The following NOS1AP variants were observed in gnomAD, a reference collection of about 807,000 sequenced individuals.
NOS1AP encodes the protein carboxyl-terminal PDZ ligand of neuronal nitric oxide synthase protein.
NOS1AP carries 21 observed loss-of-function variants against 56.2 expected under a neutral mutation model. The ratio of observed to expected loss-of-function variants is 0.37; its 90% CI spans 0.26 to 0.54. The LOEUF is 0.54. Ranked by LOEUF, NOS1AP falls within the 20% of genes least tolerant of loss-of-function variation. The probability of loss-of-function intolerance (pLI) is 0.84; values close to 1 mark genes in which losing one functional copy is unlikely to be tolerated. For missense variants in NOS1AP, 522 were observed against 657.8 expected, an observed-to-expected ratio of 0.79 and a Z score of 2.26; for synonymous variants, 270 against 274.6, an observed-to-expected ratio of 0.98 and a Z score of 0.17.
In NOS1AP at chr1:162,254,438, G is replaced by A. The variant is rs183477951; in HGVS notation, c.178-32906G>A. On this transcript the variant is annotated intron_variant, in intron 2 of 9. Transcript: ENST00000361897. ...GACTAACCCTCCCCAGCAGGGGCCAGTGGTTTTAAAGGGCAAAGCCATGGG... is the reference window on the plus strand; with the variant it reads ...GACTAACCCTCCCCAGCAGGGGCCAATGGTTTTAAAGGGCAAAGCCATGGG... Among the ~76,000 whole-genome samples the A allele has an allele frequency of 5.1e-3, 784 of 152,324 alleles. 4 individuals are homozygous for A. Among genetic ancestry groups the A allele is most frequent in the Non-Finnish European group, 8.6e-3 (583 of 68,026 alleles).
intron 8 of NOS1AP, among the ~76,000 whole-genome samples, chr1:162,359,974 A>AC (rs1657844623): frequency 1.3e-5 from 2 of 151,902 alleles, no homozygotes; most frequent in African/African-American, 4.8e-5. Flanking sequence ...AGACAAGTGT[A>AC]CCCTTGATGT....
chr1:162,155,243 C>CACATACATATAT (rs1649896146), intron 2 of NOS1AP, among the ~76,000 whole-genome samples: 2 of 144,784 alleles, frequency 1.4e-5, no homozygotes, highest in East Asian at 4.1e-4. Context: ...TATACATATA[C>CACATACATATAT]ATATACACAT....
At chr1:162,210,020 G>A (rs958100934) in intron 2 of NOS1AP, among the ~76,000 whole-genome samples, 2 of 152,124 alleles carry the variant, frequency 1.3e-5, no homozygotes, top group Non-Finnish European at 2.9e-5. Flanking sequence ...CAACCTGGGA[G>A]TTTTAAAAAT....
At chr1:162,186,878 A>C (rs1405219258) in intron 2 of NOS1AP, among the ~76,000 whole-genome samples, 1 of 152,362 alleles carries the variant, frequency 6.6e-6, no homozygotes, top group East Asian at 1.9e-4. Context: ...TCAGATTGTA[A>C]TTGTTGCAAA....
intron 2 of NOS1AP, among the ~76,000 whole-genome samples, chr1:162,240,189 G>A (rs963946541): frequency 1.3e-5 from 2 of 151,942 alleles, no homozygotes; most frequent in African/African-American, 4.8e-5. Flanking sequence ...GAACAGAGGG[G>A]CCTCACTGAC....
At chr1:162,098,682 AC>A (rs925885441) in intron 1 of NOS1AP, among the ~76,000 whole-genome samples, 10 of 151,804 alleles carry the variant, frequency 6.6e-5, no homozygotes, top group Middle Eastern at 3.4e-3. Flanking sequence ...CTCCTGATAG[AC>A]CCCTAGTGTG....
chr1:162,331,601 A>G (rs530440849), intron 4 of NOS1AP, among the ~76,000 whole-genome samples: 2 of 151,938 alleles, frequency 1.3e-5, no homozygotes, highest in South Asian at 2.1e-4. Flanking sequence ...TCTCAATCCC[A>G]TTCTCTTTCT....
In NOS1AP at chr1:162,083,188, G is replaced by A. The variant is rs1382736115; in HGVS notation, c.105+12906G>A. On this transcript the variant is annotated intron_variant, in intron 1 of 9. Coordinates refer to ENST00000361897, the MANE Select transcript of NOS1AP (RefSeq NM_014697.3). ...TGGGATTACAGGCGTGAGCCACCGC[G>A]CCCGGCCGTGTCCTTTTTTTCTATC... Among the ~76,000 whole-genome samples, 6 of 632 alleles carry A rather than the reference G, an allele frequency of 9.5e-3. 3 individuals are homozygous for A. The highest frequency in any genetic ancestry group is 9.6e-3 in the African/African-American group (6 of 622). The allele number at this position is 632 out of a possible 152,430, so 0.4% of individuals were successfully genotyped here.
chr1:162,234,294 G>A (rs572624278), intron 2 of NOS1AP, among the ~76,000 whole-genome samples: 10 of 152,298 alleles, frequency 6.6e-5, no homozygotes, highest in Non-Finnish European at 1.0e-4. Context: ...TTAAAGGAGC[G>A]AGGGTAGGAA....
At chr1:162,286,341 G>A (rs551181873) in intron 2 of NOS1AP, among the ~76,000 whole-genome samples, 25 of 152,364 alleles carry the variant, frequency 1.6e-4, no homozygotes, top group African/African-American at 5.3e-4. Flanking sequence ...GAGAAGGGAT[G>A]TGGGTGGGCT....
intron 1 of NOS1AP, among the ~76,000 whole-genome samples, chr1:162,116,875 G>A (rs906864809): frequency 1.8e-4 from 28 of 152,136 alleles, no homozygotes; most frequent in Admixed American, 1.3e-4. Flanking sequence ...CCTTAGAGAC[G>A]TTTCTCTGCA....
chr1:162,258,845 C>T (rs1444772785), intron 2 of NOS1AP, among the ~76,000 whole-genome samples: 2 of 152,140 alleles, frequency 1.3e-5, no homozygotes, highest in Non-Finnish European at 2.9e-5. Flanking sequence ...TTTAAGTGGG[C>T]TTGATACAGA....
chr1:162,151,489 G>T (rs374998080), intron 1 of NOS1AP, among the ~76,000 whole-genome samples: 2 of 152,264 alleles, frequency 1.3e-5, no homozygotes, highest in East Asian at 1.9e-4. Context: ...GATAACTTTA[G>T]CTATTCTGGG....
Position 162,343,826 on chromosome 1 carries a change from C to T in NOS1AP, c.454-9C>T. 6.2e-7 allele frequency: 1 copy of T among 1,614,156 alleles called. No individual in the cohort carries two copies. Among genetic ancestry groups the T allele is most frequent in the Non-Finnish European group, 8.5e-7 (1 of 1,180,028 alleles). On this transcript the variant is annotated splice_polypyrimidine_tract_variant and intron_variant, in intron 5 of 9. Transcript: ENST00000361897. ...CACCCATCCTGTTCTTCTCCTTTCT[C>T]CTTCCCAGAGCCAAGCTATGAGAAT...
Position 162,265,081 on chromosome 1 carries a change from C to G in NOS1AP, c.178-22263C>G, listed in dbSNP as rs140036062. On this transcript the variant is annotated intron_variant, in intron 2 of 9. Transcript: ENST00000361897. ...CCACCCACCTTCGCTTCCCAAAGTG[C>G]TGGGATTACAGGCATGAGCCACTGC... is the stretch of plus-strand genomic sequence containing the variant. Among the ~76,000 whole-genome samples the G allele has an allele frequency of 4.3e-3, 649 of 152,270 alleles. 4 individuals carry two copies. The highest frequency in any genetic ancestry group is 0.015 in the African/African-American group (619 of 41,560).
In NOS1AP at chr1:162,367,317, C is replaced by A; in HGVS notation, c.1371C>A (p.Phe457Leu). The change falls in exon 10 of 10, where the codon TTC becomes TTA. Residue 457 changes from phenylalanine (F) to leucine (L), a missense_variant. Physicochemically the swap from Phe to Leu is conservative, Grantham distance 22. Coordinates refer to ENST00000361897, the MANE Select transcript of NOS1AP (RefSeq NM_014697.3). This position sits in a 1 kb window ranked among gnomAD's most constrained non-coding sequence, Gnocchi z 6.5. ...TGGGCGGTCTGGAGCTCATCAAGTTCCGAGAGTCAGGCATCGCCTCGGAGT... is the reference window on the plus strand; with the variant it reads ...TGGGCGGTCTGGAGCTCATCAAGTTACGAGAGTCAGGCATCGCCTCGGAGT... ...ALLGGLELIK[F>L]RESGIASEYE... is the part of the protein sequence containing the mutation. 6.2e-7 allele frequency: 1 copy of A among 1,613,322 alleles called. No homozygotes were observed. The highest frequency in any genetic ancestry group is 8.5e-7 in the Non-Finnish European group (1 of 1,179,934).
chr1:162,300,967 C>A (rs1431633983), intron 4 of NOS1AP, among the ~76,000 whole-genome samples: 1 of 152,028 alleles, frequency 6.6e-6, no homozygotes, highest in Admixed American at 6.6e-5. Flanking sequence ...TAATTGGAGA[C>A]CTTTTAAATT....
At chr1:162,305,077 C>A (rs1463080555) in intron 4 of NOS1AP, among the ~76,000 whole-genome samples, 2 of 151,984 alleles carry the variant, frequency 1.3e-5, no homozygotes, top group Non-Finnish European at 2.9e-5. Context: ...TTATTTAAAT[C>A]TTTTGCATTA....
At chr1:162,182,488 G>A (rs1479597308) in intron 2 of NOS1AP, among the ~76,000 whole-genome samples, 3 of 152,184 alleles carry the variant, frequency 2.0e-5, no homozygotes, top group Non-Finnish European at 4.4e-5. Context: ...TTAAAATAAA[G>A]CAACAATGAA....
Sources: gnomAD v4.1 joint callset for allele counts (sites outside exome capture counted in the v4.1 genomes callset) on GRCh38, gnomAD v4.1.1 for gene constraint, Gnocchi (gnomAD v3.1) non-coding constraint, MANE v1.5 for transcripts, NCBI Gene and HGNC (gene_info 2026-07-23, HGNC 2026-07-21) for gene names.